Variants in PDE1C observed in about 807,000 individuals in gnomAD.
The protein encoded by PDE1C is dual specificity calcium/calmodulin-dependent 3',5'-cyclic nucleotide phosphodiesterase 1C.
A neutral mutation model predicts 93.1 loss-of-function variants in PDE1C; 62 were observed. The observed-to-expected ratio is 0.67, with a 90% CI of 0.54 to 0.82. The LOEUF is 0.82. PDE1C is among the 40% of genes least tolerant of loss of function. PDE1C has a pLI of 0.00. For missense variants in PDE1C, 742 were observed against 884.6 expected (o/e 0.84, Z 2.04); for synonymous variants, 325 against 310.1 (o/e 1.05, Z -0.50).
At chr7:31,912,170 A>C (rs1194861581) in intron 2 of PDE1C, among the ~76,000 whole-genome samples, 1 of 152,200 alleles carries the variant, frequency 6.6e-6, no homozygotes. Flanking sequence ...AAAGTCAATG[A>C]AACCTATTAG....
chr7:31,625,908 A>T, the PDE1C span, among the ~76,000 whole-genome samples: 1 of 152,214 alleles, frequency 6.6e-6, no homozygotes, highest in African/African-American at 2.4e-5. Flanking sequence ...TGTATTTCAG[A>T]TACAGGTACA....
At chr7:31,679,012 T>C in the PDE1C span, among the ~76,000 whole-genome samples, 6 of 152,220 alleles carry the variant, frequency 3.9e-5, no homozygotes, top group African/African-American at 4.8e-5. Context: ...AAATAAAGCA[T>C]GGTTGACTTA....
At chr7:31,737,845 A>G in the PDE1C span, among the ~76,000 whole-genome samples, 1 of 151,442 alleles carries the variant, frequency 6.6e-6, no homozygotes, top group African/African-American at 2.4e-5. Flanking sequence ...ATAACCATTC[A>G]AAAACACTCT....
intron 2 of PDE1C, among the ~76,000 whole-genome samples, chr7:31,978,830 G>A (rs1319495173): frequency 2.0e-5 from 3 of 152,184 alleles, no homozygotes; most frequent in Admixed American, 2.0e-4. Flanking sequence ...GTTTCTGGAG[G>A]TGGGGGGAGC....
At chr7:32,038,720 A>C (rs1182728381) in intron 2 of PDE1C, among the ~76,000 whole-genome samples, 2 of 152,198 alleles carry the variant, frequency 1.3e-5, no homozygotes, top group African/African-American at 4.8e-5. Context: ...CCAGTGGCAA[A>C]AGTAAGTCAC....
chr7:31,916,564 C>T (rs183246411), intron 2 of PDE1C, among the ~76,000 whole-genome samples: 3 of 152,144 alleles, frequency 2.0e-5, no homozygotes, highest in Non-Finnish European at 2.9e-5. Context: ...TCTGACCTTA[C>T]GTCATGCAAA....
chr7:32,004,530 C>A (rs1007419204), intron 2 of PDE1C, among the ~76,000 whole-genome samples: 2 of 152,082 alleles, frequency 1.3e-5, no homozygotes, highest in Non-Finnish European at 2.9e-5. Flanking sequence ...GGGGGTTGTG[C>A]AAGAGTTACT....
At chr7:32,193,612 C>G (rs928322066) in intron 2 of PDE1C, among the ~76,000 whole-genome samples, 4 of 152,030 alleles carry the variant, frequency 2.6e-5, no homozygotes, top group Admixed American at 1.3e-4. Context: ...TAATTTTTCT[C>G]TTTTTGTACT....
At chr7:32,194,527 C>T (rs910866686) in intron 2 of PDE1C, among the ~76,000 whole-genome samples, 1 of 152,110 alleles carries the variant, frequency 6.6e-6, no homozygotes, top group African/African-American at 2.4e-5. Context: ...TGTAGGCTGA[C>T]CCTTTTATTA....
intron 1 of PDE1C, among the ~76,000 whole-genome samples, chr7:32,221,117 C>T (rs1002498753): frequency 2.4e-4 from 37 of 152,214 alleles, no homozygotes; most frequent in African/African-American, 8.9e-4. Flanking sequence ...ACCCTTGAGC[C>T]TTCTCTTCTC....
At chr7:31,653,080 GC>G in the PDE1C span, 1 of 886,694 alleles carries the variant, frequency 1.1e-6, no homozygotes, top group Non-Finnish European at 1.6e-6. Context: ...TACGGTCTCT[GC>G]CCTGCTAGAA....
intron 2 of PDE1C, among the ~76,000 whole-genome samples, chr7:31,969,162 G>A (rs1810516361): frequency 6.6e-6 from 1 of 152,086 alleles, no homozygotes; most frequent in African/African-American, 2.4e-5. Context: ...GCTTTGCTGT[G>A]CTTCTGCACA....
chr7:32,219,095 T>A (rs1178813529), intron 1 of PDE1C, among the ~76,000 whole-genome samples: 1 of 152,250 alleles, frequency 6.6e-6, no homozygotes, highest in Admixed American at 6.5e-5. Context: ...TACCAGGCCC[T>A]GACTTCAGGA....
At chr7:31,922,165 C>CT (rs1802714147) in intron 2 of PDE1C, among the ~76,000 whole-genome samples, 1 of 152,200 alleles carries the variant, frequency 6.6e-6, no homozygotes, top group Non-Finnish European at 1.5e-5. Flanking sequence ...TCCGACTCTT[C>CT]TTTAAGTATC....
At chr7:31,637,446 G>T in the PDE1C span, among the ~76,000 whole-genome samples, 28 of 152,230 alleles carry the variant, frequency 1.8e-4, no homozygotes, top group South Asian at 5.6e-3. Context: ...GTGTGAGATG[G>T]TATCTCATTG....
chr7:31,633,554 C>T, the PDE1C span, among the ~76,000 whole-genome samples: 1 of 152,204 alleles, frequency 6.6e-6, no homozygotes, highest in Non-Finnish European at 1.5e-5. Flanking sequence ...GGAACAACTG[C>T]TCTCTGGTCT....
intron 3 of PDE1C, among the ~76,000 whole-genome samples, chr7:32,159,508 G>A (rs1180734091): frequency 6.6e-6 from 1 of 152,168 alleles, no homozygotes; most frequent in East Asian, 1.9e-4. Context: ...CATTCATCAT[G>A]GAAAGTTGTA....
intron 3 of PDE1C, among the ~76,000 whole-genome samples, chr7:32,082,418 T>C (rs1796744886): frequency 6.6e-6 from 1 of 152,204 alleles, no homozygotes. Flanking sequence ...CTCTGTAGGC[T>C]CCACCTCTGG....
At chr7:31,655,307 A>T in the PDE1C span, among the ~76,000 whole-genome samples, 1 of 152,104 alleles carries the variant, frequency 6.6e-6, no homozygotes, top group Non-Finnish European at 1.5e-5. Context: ...CCCCTCAGTC[A>T]GTCAATGACC....
Sources: gnomAD v4.1 joint callset for allele counts (sites outside exome capture counted in the v4.1 genomes callset) on GRCh38, gnomAD v4.1.1 for gene constraint, MANE v1.5 for transcripts, NCBI Gene and HGNC (gene_info 2026-07-23, HGNC 2026-07-21) for gene names.